R3HDM2: variants seen among roughly 807,000 people sequenced by gnomAD.
R3HDM2 encodes R3H domain-containing protein 2.
A neutral mutation model predicts 124.5 loss-of-function variants in R3HDM2; 38 were observed. The observed-to-expected ratio is 0.31, with a 90% CI of 0.24 to 0.40. The LOEUF (loss-of-function observed/expected upper bound fraction) is 0.40. R3HDM2 is among the 10% of genes least tolerant of loss of function. The pLI, the probability that R3HDM2 is intolerant of heterozygous loss-of-function variation, is 1.00. For synonymous variants in R3HDM2, 391 were observed against 448.0 expected, an observed-to-expected ratio of 0.87 and a Z score of 1.61; for missense variants, 869 against 1,236.9, an observed-to-expected ratio of 0.70 and a Z score of 4.46.
At chr12:57,356,102 G>C (rs1273412289) in intron 2 of R3HDM2, among the ~76,000 whole-genome samples, 1 of 152,032 alleles carries the variant, frequency 6.6e-6, no homozygotes, top group Non-Finnish European at 1.5e-5. Flanking sequence ...TCAGTACTAT[G>C]TTGAAAAGAA....
intron 3 of R3HDM2, 80 bp from the exon 4 acceptor site, chr12:57,303,297 A>G (rs894200526): frequency 1.1e-5 from 14 of 1,281,320 alleles, no homozygotes; most frequent in African/African-American, 1.5e-5. Context: ...TTTATAAAGA[A>G]AAAGCACTAA....
chr12:57,341,082 T>C (rs1388662957), intron 2 of R3HDM2: 1 of 152,224 alleles, frequency 6.6e-6, no homozygotes, highest in Non-Finnish European at 1.5e-5. Context: ...AAACTGTCTG[T>C]GCAAATAAGG....
intron 1 of R3HDM2, chr12:57,418,378 G>A (rs2069855372): frequency 3.1e-6 from 3 of 980,264 alleles, no homozygotes; most frequent in South Asian, 9.4e-5. Context: ...AGAGCAACTG[G>A]CAATATTCCC....
At chr12:57,323,961 C>T (rs924124542) in intron 2 of R3HDM2, among the ~76,000 whole-genome samples, 1 of 152,040 alleles carries the variant, frequency 6.6e-6, no homozygotes, top group African/African-American at 2.4e-5. Flanking sequence ...ATGAAAGAGA[C>T]CCTGAAAGTT....
intron 2 of R3HDM2, among the ~76,000 whole-genome samples, chr12:57,351,820 G>GA (rs550743838): frequency 6.6e-6 from 1 of 151,898 alleles, no homozygotes; most frequent in African/African-American, 2.4e-5. Flanking sequence ...GAGTTTATAT[G>GA]AAAAAAAGTC....
At position 57,254,739 on chromosome 12, in the gene R3HDM2, C is replaced by T; in HGVS notation, c.*34G>A. 6.8e-7 allele frequency: 1 copy of T among 1,464,914 alleles called. No individual in the cohort carries two copies. The highest frequency in any genetic ancestry group is 1.3e-5 in the South Asian group (1 of 77,136). The allele number at this position is 1,464,914 out of a possible 1,614,324, so 90.7% of individuals were successfully genotyped here. Reference sequence around the variant, plus strand: ...TTCAACCCCCTCCACCCTGCCCTTGCTCCTTCTGTGACAGTCCCTTTCCCC... The same window carrying T: ...TTCAACCCCCTCCACCCTGCCCTTGTTCCTTCTGTGACAGTCCCTTTCCCC... On this transcript the variant is annotated 3_prime_UTR_variant, in exon 24 of 24. Transcript: ENST00000402412.
chr12:57,331,179 CT>C (rs1281687942), intron 2 of R3HDM2, among the ~76,000 whole-genome samples: 3 of 152,156 alleles, frequency 2.0e-5, no homozygotes, highest in Non-Finnish European at 2.9e-5. Flanking sequence ...ACTTTCACCC[CT>C]ACCATAGTAT....
rs529963825 is a variant in R3HDM2, at chr12:57,320,013, C to T, written c.-35-9550G>A. 6.6e-4 allele frequency among the ~76,000 whole-genome samples: 100 copies of T among 152,092 alleles called. 1 individual carries two copies. Among genetic ancestry groups the T allele is most frequent in the African/African-American group, 2.4e-3 (98 of 41,504 alleles). ...GGGCGTAGTGGCTCACGCCTGCAAT[C>T]CCACCACTTTGGGAGGCGGGCGGAT... On this transcript the variant is annotated intron_variant, in intron 2 of 23. Coordinates refer to ENST00000402412, the MANE Select transcript of R3HDM2 (RefSeq NM_001394031.1).
intron 23 of R3HDM2, 58 bp from the exon 24 acceptor site, chr12:57,255,171 C>G (rs35889378): frequency 2.0e-5 from 27 of 1,363,182 alleles, no homozygotes; most frequent in Non-Finnish European, 2.6e-5. Flanking sequence ...AAGGACTTGA[C>G]AGCAGCCCAG....
intron 2 of R3HDM2, among the ~76,000 whole-genome samples, chr12:57,359,161 A>T (rs9788042): frequency 6.6e-6 from 1 of 152,072 alleles, no homozygotes; most frequent in East Asian, 1.9e-4. Flanking sequence ...AAATGATCCA[A>T]CCACCTCGGC....
In R3HDM2 at chr12:57,358,123, C is replaced by T. The variant is rs144921996; in HGVS notation, c.-36+37626G>A. 2.4e-3 allele frequency among the ~76,000 whole-genome samples: 356 copies of T among 148,820 alleles called. 9 individuals are homozygous for T. In the East Asian group the frequency reaches 0.051, roughly 21 times the overall value. ...CTTCCCAAGTAGCTGGGACTACAGG[C>T]GCGTGACGCTACGCCCAGCTAATTT... On this transcript the variant is annotated intron_variant, in intron 2 of 23. Transcript: ENST00000402412.
chr12:57,350,098 T>C (rs1242618864), intron 2 of R3HDM2, among the ~76,000 whole-genome samples: 1 of 152,068 alleles, frequency 6.6e-6, no homozygotes, highest in Non-Finnish European at 1.5e-5. Flanking sequence ...CAGTCTCAGC[T>C]ACTTGGGAAG....
At chr12:57,424,286 T>G (rs183890365) in intron 1 of R3HDM2, among the ~76,000 whole-genome samples, 93 of 151,574 alleles carry the variant, frequency 6.1e-4, no homozygotes, top group African/African-American at 2.1e-3. Flanking sequence ...GCCTCCCGAG[T>G]AGCTGGGATT....
Position 57,365,107 on chromosome 12 carries a change from A to T in R3HDM2, c.-36+30642T>A, listed in dbSNP as rs192181980. ...GTAAAACCCCGTCTCTAGTAAAAAT[A>T]AAAAAAACTAGCTGGTCAAGGTGGC... On this transcript the variant is annotated intron_variant, in intron 2 of 23. Coordinates refer to ENST00000402412, the MANE Select transcript of R3HDM2 (RefSeq NM_001394031.1). 4.8e-3 allele frequency among the ~76,000 whole-genome samples: 732 copies of T among 151,596 alleles called. 3 individuals carry two copies. The highest frequency in any genetic ancestry group is 0.016 in the African/African-American group (645 of 41,316).
At chr12:57,288,977 G>C (rs2048021216) in intron 12 of R3HDM2, 32 bp downstream of exon 12, 1 of 1,547,926 alleles carries the variant, frequency 6.5e-7, no homozygotes, top group Non-Finnish European at 8.7e-7. Flanking sequence ...AAAGCTCAAT[G>C]AGAAGCAGGG....
In R3HDM2 at chr12:57,300,099, G is replaced by T. The variant is rs769697697; in HGVS notation, c.290C>A (p.Thr97Asn). ...STPFADGPLETQDIIQLHISC... is the reference protein window; with the variant it reads ...STPFADGPLENQDIIQLHISC... Reference sequence around the variant, plus strand: ...TTACTCCTGCAAATGACCTACCTGGGTTTCTAATGGCCCATCAGCAAATGG... The same window carrying T: ...TTACTCCTGCAAATGACCTACCTGGTTTTCTAATGGCCCATCAGCAAATGG... Residue 97 changes from threonine to asparagine, a missense_variant, in exon 5 of 24, where the codon ACC becomes AAC. Transcript: ENST00000402412. 11 of 1,550,948 alleles carry T rather than the reference G, an allele frequency of 7.1e-6. No individual in the cohort carries two copies. The South Asian group carries it at 1.3e-4, about 18-fold the overall frequency.
At chr12:57,341,023 A>G (rs2136963691) in intron 2 of R3HDM2, among the ~76,000 whole-genome samples, 1 of 152,338 alleles carries the variant, frequency 6.6e-6, no homozygotes, top group Middle Eastern at 3.4e-3. Flanking sequence ...CTACAATGTC[A>G]AGGAATTTTA....
chr12:57,266,636 G>A (rs1448803309), intron 19 of R3HDM2, 95 bp downstream of exon 19: 17 of 958,736 alleles, frequency 1.8e-5, no homozygotes, highest in Admixed American at 2.0e-5. Flanking sequence ...CCCAATACCT[G>A]AACTCTTTTT....
intron 1 of R3HDM2, among the ~76,000 whole-genome samples, chr12:57,425,143 A>G (rs1258871818): frequency 6.6e-6 from 1 of 152,042 alleles, no homozygotes; most frequent in Non-Finnish European, 1.5e-5. Flanking sequence ...GTGGTGGCGC[A>G]TGCCTGTAAT....
Sources: allele counts gnomAD v4.1 joint callset (sites outside exome capture counted in the v4.1 genomes callset), GRCh38; gene constraint gnomAD v4.1.1; transcripts MANE v1.5; gene names NCBI Gene and HGNC (gene_info 2026-07-23, HGNC 2026-07-21).